Variants in GUCY1A2 observed in about 807,000 individuals in gnomAD.
GUCY1A2 encodes the protein guanylate cyclase soluble subunit alpha-2.
GUCY1A2 carries 27 observed loss-of-function variants against 63.5 expected under a neutral mutation model. The ratio of observed to expected loss-of-function variants is 0.43; its 90% CI spans 0.31 to 0.59. The LOEUF is 0.59. Among genes scored for constraint, GUCY1A2 ranks in the 20% least tolerant of loss-of-function variants. The pLI, the probability that GUCY1A2 is intolerant of heterozygous loss-of-function variation, is 0.11. For synonymous variants in GUCY1A2, 364 were observed against 343.5 expected (o/e 1.06, Z -0.66); for missense variants, 768 against 913.3 (o/e 0.84, Z 2.05).
intron 7 of GUCY1A2, among the ~76,000 whole-genome samples, chr11:106,697,484 T>C (rs186890033): frequency 1.6e-3 from 245 of 152,314 alleles, no homozygotes; most frequent in African/African-American, 5.7e-3. Flanking sequence ...ATGATCAGCT[T>C]TTTGGAAGTT....
At chr11:106,844,379 A>G (rs1859243401) in intron 4 of GUCY1A2, among the ~76,000 whole-genome samples, 1 of 151,776 alleles carries the variant, frequency 6.6e-6, no homozygotes, top group African/African-American at 2.4e-5. Context: ...TGCAATACCT[A>G]AGAAACATTT....
At chr11:107,011,393 T>C (rs1309292157) in intron 1 of GUCY1A2, among the ~76,000 whole-genome samples, 1 of 151,590 alleles carries the variant, frequency 6.6e-6, no homozygotes, top group African/African-American at 2.4e-5. Context: ...AAAAGACTAA[T>C]GATGACATAG....
intron 4 of GUCY1A2, among the ~76,000 whole-genome samples, chr11:106,851,129 G>A (rs112542454): frequency 2.2e-4 from 34 of 151,782 alleles, no homozygotes; most frequent in African/African-American, 8.2e-4. Flanking sequence ...TTGGCCATTT[G>A]TATGTCTCCC....
At chr11:106,902,437 T>C (rs1179622409) in intron 4 of GUCY1A2, among the ~76,000 whole-genome samples, 1 of 152,204 alleles carries the variant, frequency 6.6e-6, no homozygotes. Context: ...AGAGAAACCA[T>C]CTTTTGAAGT....
chr11:106,726,025 T>A (rs1863402050), intron 6 of GUCY1A2, among the ~76,000 whole-genome samples: 2 of 152,190 alleles, frequency 1.3e-5, no homozygotes, highest in Admixed American at 1.3e-4. Context: ...GTAAGGGCTT[T>A]TAACAGATTC....
rs1420493170 is a variant in GUCY1A2 at position 106,939,710 on chromosome 11, C to T, written c.956G>A (p.Ser319Asn). 1 of 1,613,710 alleles carries T rather than the reference C, an allele frequency of 6.2e-7. No individual in the cohort carries two copies. The highest frequency in any genetic ancestry group is 1.1e-5 in the South Asian group (1 of 91,070). Residue 319 changes from serine to asparagine, a missense_variant, in exon 4 of 8, where the codon AGC becomes AAC. Physicochemically the swap from Ser to Asn is conservative, Grantham distance 46. Coordinates refer to ENST00000526355, the MANE Select transcript of GUCY1A2 (RefSeq NM_000855.3). Reference sequence around the variant, plus strand: ...GAAGGCTCTACAGAAGGTGTTGATGCTAATTCTGAGGTCCGCAGGAACTTG... The same window carrying T: ...GAAGGCTCTACAGAAGGTGTTGATGTTAATTCTGAGGTCCGCAGGAACTTG... ...TSQVPADLRI[S>N]INTFCRAFPF...
intron 6 of GUCY1A2, chr11:106,746,498 T>C: frequency 1.1e-6 from 1 of 885,046 alleles, no homozygotes; most frequent in Non-Finnish European, 1.8e-6. Flanking sequence ...TAATAACCAA[T>C]ATGCATAGCT....
chr11:106,728,935 G>T (rs1009421893), intron 6 of GUCY1A2, among the ~76,000 whole-genome samples: 1 of 152,044 alleles, frequency 6.6e-6, no homozygotes, highest in Non-Finnish European at 1.5e-5. Context: ...TCATATTTAT[G>T]AAAAGTATGA....
At chr11:106,730,949 C>T (rs1863492929) in intron 6 of GUCY1A2, among the ~76,000 whole-genome samples, 1 of 152,054 alleles carries the variant, frequency 6.6e-6, no homozygotes, top group Admixed American at 6.6e-5. Flanking sequence ...CCTTTGCCCA[C>T]TTTTTAATGA....
At chr11:106,736,154 A>AT (rs1029069765) in intron 6 of GUCY1A2, among the ~76,000 whole-genome samples, 1 of 151,984 alleles carries the variant, frequency 6.6e-6, no homozygotes, top group Admixed American at 6.6e-5. Flanking sequence ...CTATTGGTCC[A>AT]TTTTTGCTTT....
At chr11:106,950,772 T>C (rs1860896234) in intron 3 of GUCY1A2, among the ~76,000 whole-genome samples, 1 of 152,178 alleles carries the variant, frequency 6.6e-6, no homozygotes, top group Non-Finnish European at 1.5e-5. Context: ...GGTCACTTTT[T>C]TAAATTTCTT....
At chr11:106,913,696 C>T (rs1860327121) in intron 4 of GUCY1A2, among the ~76,000 whole-genome samples, 1 of 151,998 alleles carries the variant, frequency 6.6e-6, no homozygotes, top group South Asian at 2.1e-4. Context: ...CTAAATGAGG[C>T]TAGACAGATG....
intron 4 of GUCY1A2, among the ~76,000 whole-genome samples, chr11:106,845,499 C>T (rs1176624987): frequency 6.6e-6 from 1 of 151,584 alleles, no homozygotes; most frequent in Non-Finnish European, 1.5e-5. Flanking sequence ...CTCAGGTGCT[C>T]ACTGACTATC....
chr11:106,865,170 T>C (rs1221182200), intron 4 of GUCY1A2, among the ~76,000 whole-genome samples: 3 of 152,136 alleles, frequency 2.0e-5, no homozygotes, highest in Non-Finnish European at 2.9e-5. Flanking sequence ...CTGGATTTTC[T>C]AGTTTATTTG....
intron 5 of GUCY1A2, among the ~76,000 whole-genome samples, chr11:106,797,556 T>C (rs150854478): frequency 5.9e-5 from 9 of 151,898 alleles, no homozygotes; most frequent in African/African-American, 1.9e-4. Context: ...ACAGAAATTA[T>C]AACAAACTGT....
intron 4 of GUCY1A2, among the ~76,000 whole-genome samples, chr11:106,846,252 G>A (rs1279691012): frequency 4.6e-5 from 7 of 151,534 alleles, no homozygotes; most frequent in Admixed American, 3.3e-4. Flanking sequence ...ATTTTGGGGG[G>A]TACTGTGACT....
chr11:106,956,885 A>G (rs1047385577), intron 3 of GUCY1A2, among the ~76,000 whole-genome samples: 1 of 152,174 alleles, frequency 6.6e-6, no homozygotes, highest in African/African-American at 2.4e-5. Context: ...CCAAGAGGAG[A>G]CAGCAAGTCT....
chr11:106,867,331 A>C (rs985405326), intron 4 of GUCY1A2, among the ~76,000 whole-genome samples: 6 of 152,116 alleles, frequency 3.9e-5, no homozygotes, highest in Non-Finnish European at 7.4e-5. Context: ...ACCATTCTGA[A>C]AACACCACAG....
intron 4 of GUCY1A2, among the ~76,000 whole-genome samples, chr11:106,837,651 C>T (rs138319699): frequency 4.6e-5 from 7 of 151,786 alleles, no homozygotes; most frequent in African/African-American, 1.2e-4. Flanking sequence ...TTCAAATTGT[C>T]GCAAATCTCC....
Sources: gnomAD v4.1 joint callset for allele counts (sites outside exome capture counted in the v4.1 genomes callset) on GRCh38, gnomAD v4.1.1 for gene constraint, MANE v1.5 for transcripts, NCBI Gene and HGNC (gene_info 2026-07-23, HGNC 2026-07-21) for gene names.